The following RGS8 variants were observed in gnomAD, a reference collection of about 807,000 sequenced individuals.
The protein encoded by RGS8 is regulator of G-protein signaling 8.
RGS8 carries 8 observed loss-of-function variants against 21.7 expected under a neutral mutation model. The ratio of observed to expected loss-of-function variants is 0.37; its 90% confidence interval spans 0.22 to 0.66. RGS8 has a LOEUF of 0.66. RGS8 is among the 30% of genes least tolerant of loss of function. The pLI is 0.59. For missense variants in RGS8, 157 were observed against 217.9 expected, an observed-to-expected ratio of 0.72 and a Z score of 1.76; for synonymous variants, 80 against 83.6, an observed-to-expected ratio of 0.96 and a Z score of 0.24.
upstream of RGS8, chr1:182,672,855 A>G (rs577265900): frequency 1.9e-6 from 3 of 1,613,856 alleles, no homozygotes; most frequent in African/African-American, 4.0e-5. Context: ...TCAGTTCCAG[A>G]AGGAGGACTC....
chr1:182,726,253 T>A, the RGS8 span, among the ~76,000 whole-genome samples: 188 of 152,274 alleles, frequency 1.2e-3, no homozygotes, highest in South Asian at 0.01. Flanking sequence ...TGATATTTAC[T>A]AAGCTTTTCT....
chr1:182,675,026 G>A (rs16859456), upstream of RGS8, among the ~76,000 whole-genome samples: 4,393 of 152,158 alleles, frequency 0.029, 107 homozygotes, highest in African/African-American at 0.065. Flanking sequence ...GCTCTAGGCC[G>A]CTTTTCCAGA....
chr1:182,663,020 T>C (rs1422028914), intron 5 of RGS8, among the ~76,000 whole-genome samples: 1 of 152,150 alleles, frequency 6.6e-6, no homozygotes, highest in Non-Finnish European at 1.5e-5. Flanking sequence ...TGCCTACATG[T>C]AGAGAATTAC....
chr1:182,686,303 T>C (rs1311978489), upstream of RGS8, among the ~76,000 whole-genome samples: 2 of 152,044 alleles, frequency 1.3e-5, no homozygotes, highest in Non-Finnish European at 2.9e-5. Context: ...AACAAAGAAG[T>C]GTTGATCGAA....
chr1:182,730,710 C>CAA, the RGS8 span, among the ~76,000 whole-genome samples: 28 of 110,702 alleles, frequency 2.5e-4, no homozygotes, highest in African/African-American at 7.5e-4. Context: ...GACTGCATCT[C>CAA]AAAAAAAAAA....
At chr1:182,726,389 G>A in the RGS8 span, among the ~76,000 whole-genome samples, 4 of 152,208 alleles carry the variant, frequency 2.6e-5, no homozygotes, top group Admixed American at 6.5e-5. Context: ...GCCATGCCAC[G>A]GCCAGGTGCG....
At chr1:182,675,707 TCTC>T (rs1368249953), upstream of RGS8, among the ~76,000 whole-genome samples, 1 of 151,954 alleles carries the variant, frequency 6.6e-6, no homozygotes, top group Non-Finnish European at 1.5e-5. Context: ...AGCTAAAAAT[TCTC>T]CTTTCCAAAC....
intron 5 of RGS8, chr1:182,658,785 T>C (rs1663427232): frequency 6.6e-6 from 1 of 152,244 alleles, no homozygotes; most frequent in Non-Finnish European, 1.5e-5. Context: ...AGTTCAGGGC[T>C]GCAGTGAGCT....
chr1:182,646,948 G>T (rs1284992819), intron 6 of RGS8, 31 bp from the exon 8 acceptor site: 2 of 1,574,274 alleles, frequency 1.3e-6, no homozygotes, highest in African/African-American at 2.7e-5. Context: ...CAAGGTCACA[G>T]GCCCTCAAGG....
At chr1:182,666,702 C>T (rs1416599466) in intron 4 of RGS8, among the ~76,000 whole-genome samples, 170 bp downstream of exon 5, 3 of 151,018 alleles carry the variant, frequency 2.0e-5, no homozygotes, top group South Asian at 2.1e-4. Flanking sequence ...CTAAGCTATA[C>T]GTTTTGAAAA....
At chr1:182,741,876 G>T in the RGS8 span, among the ~76,000 whole-genome samples, 5 of 143,262 alleles carry the variant, frequency 3.5e-5, no homozygotes, top group Non-Finnish European at 7.8e-5. Context: ...GGCCGGGCGG[G>T]GGGCTGACCC....
chr1:182,745,678 A>C, the RGS8 span, among the ~76,000 whole-genome samples: 2 of 152,238 alleles, frequency 1.3e-5, no homozygotes, highest in Admixed American at 6.5e-5. Flanking sequence ...TATTTGATTC[A>C]CATAAAGCCA....
chr1:182,730,922 C>T, the RGS8 span, among the ~76,000 whole-genome samples: 1 of 152,092 alleles, frequency 6.6e-6, no homozygotes, highest in African/African-American at 2.4e-5. Context: ...TCTGATATAA[C>T]CCATCTCCTG....
At chr1:182,658,561 A>G (rs1571323367) in intron 5 of RGS8, 2 of 152,384 alleles carry the variant, frequency 1.3e-5, no homozygotes, top group Non-Finnish European at 2.9e-5. Flanking sequence ...TCCAGGATAC[A>G]TATACTAATA....
At chr1:182,724,301 GACAGAAAAA>G in the RGS8 span, among the ~76,000 whole-genome samples, 1 of 139,782 alleles carries the variant, frequency 7.2e-6, no homozygotes. Context: ...AACATTCAAG[GACAGAAAAA>G]GGAAAAAGGA....
At chr1:182,700,632 G>C in the RGS8 span, among the ~76,000 whole-genome samples, 2 of 152,224 alleles carry the variant, frequency 1.3e-5, no homozygotes, top group Non-Finnish European at 2.9e-5. Context: ...GAAGTCATGA[G>C]TGTCTTAGAA....
At chr1:182,667,219 A>C (rs1473789991) in intron 3 of RGS8, among the ~76,000 whole-genome samples, 1 of 152,254 alleles carries the variant, frequency 6.6e-6, no homozygotes, top group Admixed American at 6.5e-5. Flanking sequence ...GTTGACGGTA[A>C]GTCAATGAAG....
the RGS8 span, among the ~76,000 whole-genome samples, chr1:182,709,858 G>T: frequency 6.6e-6 from 1 of 152,058 alleles, no homozygotes; most frequent in South Asian, 2.1e-4. Flanking sequence ...TATCCCTTAG[G>T]GTCATTATGT....
downstream of RGS8, chr1:182,646,016 T>A (rs978802273): frequency 6.6e-6 from 1 of 152,240 alleles, no homozygotes; most frequent in African/African-American, 2.4e-5. Context: ...GTATCTTTCT[T>A]AATGGCAGTT....
Sources: gnomAD v4.1 joint callset for allele counts (sites outside exome capture counted in the v4.1 genomes callset) on GRCh38, gnomAD v4.1.1 for gene constraint, MANE v1.5 for transcripts, NCBI Gene and HGNC (gene_info 2026-07-23, HGNC 2026-07-21) for gene names.